Variants in WNT7B observed in about 807,000 individuals in gnomAD.
WNT7B encodes Wnt family member 7B.
In WNT7B, 19 loss-of-function variants were observed where a neutral mutation model predicts 38.2. That is an observed-to-expected ratio of 0.50 (90% confidence interval 0.35 to 0.73). WNT7B has a LOEUF of 0.73. WNT7B is among the 30% of genes least tolerant of loss of function. WNT7B has a pLI of 0.01. For synonymous variants in WNT7B, 243 were observed against 209.3 expected (o/e 1.16, Z -1.39); for missense variants, 423 against 507.9 (o/e 0.83, Z 1.61).
rs1395584643 is a variant in WNT7B at position 45,976,458 on chromosome 22, C to G, written c.71+226G>C. Among the ~76,000 whole-genome samples the G allele has an allele frequency of 6.6e-6, 1 of 152,108 alleles. No individual in the cohort carries two copies. The highest frequency in any genetic ancestry group is 2.0e-4 in the East Asian group (1 of 5,082). ...AGCCCGGCCGGACCGCCCGCGCGCC[C>G]CGCTCTCTCTCCTCCCGCGCTGGGC... On this transcript the variant is annotated intron_variant, in intron 1 of 3. Transcript: ENST00000339464. This position sits in a 1 kb window ranked among gnomAD's most constrained non-coding sequence, Gnocchi z 8.5.
At chr22:45,928,478 C>T (rs917951263) in intron 3 of WNT7B, among the ~76,000 whole-genome samples, 2 of 152,146 alleles carry the variant, frequency 1.3e-5, no homozygotes, top group Admixed American at 6.5e-5. Flanking sequence ...TCAGCAGCAG[C>T]GTGGGTCAGC....
intron 3 of WNT7B, chr22:45,925,314 G>T (rs1426332973): frequency 1.2e-5 from 12 of 985,240 alleles, no homozygotes; most frequent in Non-Finnish European, 1.4e-5. Flanking sequence ...GGTGTTTTCT[G>T]CTCTGCATCA....
At chr22:45,958,395 G>A (rs956750872) in intron 1 of WNT7B, among the ~76,000 whole-genome samples, 16 of 152,088 alleles carry the variant, frequency 1.1e-4, no homozygotes, top group African/African-American at 3.1e-4. Flanking sequence ...TCCTCTCCCC[G>A]ACACCCCTGT....
At chr22:45,928,780 A>C (rs901030217) in intron 3 of WNT7B, among the ~76,000 whole-genome samples, 18 of 152,178 alleles carry the variant, frequency 1.2e-4, no homozygotes, top group African/African-American at 4.3e-4. Flanking sequence ...TCACTGCCCC[A>C]GGGCCCTGCA....
At chr22:45,955,672 A>G (rs574758610) in intron 1 of WNT7B, among the ~76,000 whole-genome samples, 12 of 152,308 alleles carry the variant, frequency 7.9e-5, no homozygotes, top group African/African-American at 2.9e-4. Flanking sequence ...CCTGCACTGA[A>G]TGGGGCCTCG....
chr22:45,968,574 C>T (rs1003490469), intron 1 of WNT7B, among the ~76,000 whole-genome samples: 2 of 152,232 alleles, frequency 1.3e-5, no homozygotes, highest in African/African-American at 2.4e-5. Context: ...GGCCTCAGTG[C>T]ACAACCGTGG....
chr22:45,926,083 C>G, intron 3 of WNT7B: 1 of 985,470 alleles, frequency 1.0e-6, no homozygotes, highest in Non-Finnish European at 1.2e-6. Context: ...CCGTGACCAT[C>G]CGCAAATAAA....
Position 45,922,845 on chromosome 22 carries a change from C to T in WNT7B, c.*11G>A, listed in dbSNP as rs747793574. ...GTTCCAGGGTGCCCGCGGCCGCCTC[C>T]GGGCCTGGCCTCACTTGCAGGTGAA... On this transcript the variant is annotated 3_prime_UTR_variant, in exon 4 of 4. Coordinates refer to ENST00000339464, the MANE Select transcript of WNT7B (RefSeq NM_058238.3). 14 of 1,585,628 alleles carry T rather than the reference C, an allele frequency of 8.8e-6. No homozygotes were observed. Among genetic ancestry groups the T allele is most frequent in the East Asian group, 4.5e-5 (2 of 44,300 alleles).
At position 45,923,062 on chromosome 22, in the gene WNT7B, C is replaced by A. The variant is rs998086479; in HGVS notation, c.844G>T (p.Ala282Ser). 1 of 1,613,076 alleles carries A rather than the reference C, an allele frequency of 6.2e-7. No individual in the cohort carries two copies. The highest frequency in any genetic ancestry group is 8.5e-7 in the Non-Finnish European group (1 of 1,179,602). The change falls in exon 4 of 4, where the codon GCG (alanine) becomes TCG (serine). Residue 282 changes from alanine (A) to serine (S), a missense_variant. Physicochemically the swap from Ala to Ser is moderately conservative, Grantham distance 99. This residue lies in a region of WNT7B where 158 missense variants were observed against 214.7 expected (regional missense o/e 0.74). Coordinates refer to ENST00000339464, the MANE Select transcript of WNT7B (RefSeq NM_058238.3). ...EKSPNYCEED[A>S]ATGSVGTQGR... is the part of the protein sequence containing the mutation. ...TGCGTGCCCACGCTGCCCGTGGCCGCGTCCTCCTCGCAGTAGTTGGGCGAC... is the reference window on the plus strand; with the variant it reads ...TGCGTGCCCACGCTGCCCGTGGCCGAGTCCTCCTCGCAGTAGTTGGGCGAC...
At chr22:45,931,877 G>C (rs561807980) in intron 2 of WNT7B, among the ~76,000 whole-genome samples, 9 of 152,158 alleles carry the variant, frequency 5.9e-5, no homozygotes, top group African/African-American at 1.9e-4. Flanking sequence ...CTGGGGCCAC[G>C]GGGAGCATGG....
chr22:45,956,157 G>C (rs146745328), intron 1 of WNT7B, among the ~76,000 whole-genome samples: 3,284 of 152,282 alleles, frequency 0.022, 54 homozygotes, highest in Non-Finnish European at 0.034. Flanking sequence ...CACAGCCCTG[G>C]GGTGCCTGAG....
At chr22:45,929,948 C>CCATCCACTTATACATCTACCCACCCATG (rs1931279202) in intron 3 of WNT7B, among the ~76,000 whole-genome samples, 8 of 149,980 alleles carry the variant, frequency 5.3e-5, no homozygotes, top group African/African-American at 1.7e-4. Context: ...ATCCTTCCAT[C>CCATCCACTTATACATCTACCCACCCATG]CATCCACTCA....
At position 45,920,760 on chromosome 22, in the gene WNT7B, G is replaced by C. The variant is rs888383134; in HGVS notation, c.*2096C>G. 1.0e-4 allele frequency: 15 copies of C among 148,462 alleles called. No homozygotes were observed. Among genetic ancestry groups the C allele is most frequent in the Admixed American group, 6.7e-4 (10 of 14,938 alleles). 9.2% of individuals were successfully genotyped at this position (148,462 alleles called of 1,614,324 possible). On this transcript the variant is annotated 3_prime_UTR_variant, in exon 4 of 4. Coordinates refer to ENST00000339464, the MANE Select transcript of WNT7B (RefSeq NM_058238.3). ...AGGGATGGGATGGGATGGGGGATGA[G>C]GGATGGGGGCCGCAGCCATCCCCCT...
At position 45,931,268 on chromosome 22, in the gene WNT7B, C is replaced by T. The variant is rs202233642; in HGVS notation, c.400G>A (p.Asp134Asn). The T allele has an allele frequency of 1.6e-5, 25 of 1,598,748 alleles. No homozygotes were observed. The Admixed American group carries it at 2.7e-4, about 17-fold the overall frequency. The change falls in exon 3 of 4, where the codon GAC becomes AAC. Residue 134 changes from aspartate (D) to asparagine (N), a missense_variant. Asp to Asn is a conservative substitution (Grantham distance 23). Around this residue, in one of 3 missense-constraint regions of WNT7B, gnomAD observed 132 missense variants for 113.4 expected, o/e 1.16. Transcript: ENST00000339464. ...SQGNLSNCGCDREKQGYYNQA... is the reference protein window; with the variant it reads ...SQGNLSNCGCNREKQGYYNQA... ...TTGTAGTAGCCCTGCTTCTCGCGGT[C>T]GCAGCCGCAGTTGCTCAGGTTCCCT... is the stretch of plus-strand genomic sequence containing the variant.
At chr22:45,925,067 A>G in intron 3 of WNT7B, 1 of 968,166 alleles carries the variant, frequency 1.0e-6, no homozygotes, top group Non-Finnish European at 1.2e-6. Flanking sequence ...GGTGGGCCCT[A>G]GGCTGGCAGG....
At chr22:45,968,129 C>G (rs1367372160) in intron 1 of WNT7B, among the ~76,000 whole-genome samples, 2 of 152,176 alleles carry the variant, frequency 1.3e-5, no homozygotes, top group African/African-American at 4.8e-5. Flanking sequence ...CAGTATTGTT[C>G]CCTCTTCTAG....
intron 2 of WNT7B, among the ~76,000 whole-genome samples, chr22:45,944,137 T>C (rs1053714224): frequency 1.3e-5 from 2 of 152,300 alleles, no homozygotes; most frequent in East Asian, 1.9e-4. Context: ...AGATAGGGCC[T>C]GTGTCCTTGG....
chr22:45,938,291 C>T (rs1931560382), intron 2 of WNT7B, among the ~76,000 whole-genome samples: 1 of 152,118 alleles, frequency 6.6e-6, no homozygotes, highest in Admixed American at 6.5e-5. Context: ...AGTGGAATGA[C>T]AGACACCAGC....
At chr22:45,950,539 G>C (rs1191619392) in intron 1 of WNT7B, among the ~76,000 whole-genome samples, 2 of 152,236 alleles carry the variant, frequency 1.3e-5, no homozygotes, top group South Asian at 2.1e-4. Flanking sequence ...CTAAGCGGCA[G>C]ACCCCAACTC....
Sources: allele counts gnomAD v4.1 joint callset (sites outside exome capture counted in the v4.1 genomes callset), GRCh38; gene constraint gnomAD v4.1.1; regional missense constraint gnomAD v4.1.1; non-coding constraint Gnocchi (gnomAD v3.1); transcripts MANE v1.5; gene names NCBI Gene and HGNC (gene_info 2026-07-23, HGNC 2026-07-21).